Variants in SHISA9 observed in about 807,000 individuals in gnomAD.
SHISA9 encodes the protein shisa family member 9, also known as protein shisa-9.
Under a neutral mutation model 38.0 loss-of-function variants are expected in SHISA9, and 13 were observed. The ratio of observed to expected loss-of-function variants is 0.34; its 90% CI spans 0.22 to 0.54. The LOEUF (loss-of-function observed/expected upper bound fraction) is 0.54. SHISA9 is among the 20% of genes least tolerant of loss of function. SHISA9 has a pLI of 0.91. For missense variants in SHISA9, 538 were observed against 575.8 expected (o/e 0.93, Z 0.67); for synonymous variants, 275 against 242.0 (o/e 1.14, Z -1.27).
the SHISA9 span, among the ~76,000 whole-genome samples, chr16:13,360,352 C>T: frequency 2.0e-5 from 3 of 152,110 alleles, no homozygotes; most frequent in African/African-American, 7.2e-5. Context: ...ATGTCACCAC[C>T]CAAATCTCAT....
At chr16:13,214,527 C>A (rs151027079) in intron 4 of SHISA9, among the ~76,000 whole-genome samples, 1 of 152,012 alleles carries the variant, frequency 6.6e-6, no homozygotes, top group Non-Finnish European at 1.5e-5. Context: ...TTAATGAGCT[C>A]GAACTGGGGA....
chr16:12,947,212 G>A (rs1431776637), intron 2 of SHISA9, among the ~76,000 whole-genome samples: 3 of 152,184 alleles, frequency 2.0e-5, no homozygotes, highest in Non-Finnish European at 4.4e-5. Context: ...GCAGGTACAG[G>A]AGAAGCAAGT....
chr16:13,402,424 A>G, the SHISA9 span, among the ~76,000 whole-genome samples: 1 of 152,138 alleles, frequency 6.6e-6, no homozygotes, highest in Non-Finnish European at 1.5e-5. Context: ...CTGTGCCAGA[A>G]GAGAGTGAAT....
At chr16:13,501,735 G>A in the SHISA9 span, among the ~76,000 whole-genome samples, 1 of 152,188 alleles carries the variant, frequency 6.6e-6, no homozygotes, top group African/African-American at 2.4e-5. Flanking sequence ...GGGCACGGTG[G>A]CTCAAGCCTA....
At chr16:13,415,586 A>C in the SHISA9 span, among the ~76,000 whole-genome samples, 1 of 152,246 alleles carries the variant, frequency 6.6e-6, no homozygotes, top group Non-Finnish European at 1.5e-5. Context: ...CCTGAACTTA[A>C]AGGTTAAATA....
At chr16:13,022,348 C>T (rs865775171) in intron 2 of SHISA9, among the ~76,000 whole-genome samples, 7 of 141,168 alleles carry the variant, frequency 5.0e-5, no homozygotes, top group Admixed American at 7.0e-5. Context: ...TTTTTTTTTT[C>T]GAGACAGAGT....
chr16:13,350,397 T>G, the SHISA9 span: 4 of 152,516 alleles, frequency 2.6e-5, no homozygotes, highest in Non-Finnish European at 2.9e-5. Flanking sequence ...GATTGCCTAC[T>G]GTGAGATTTA....
At chr16:13,192,408 T>G (rs1596717690) in intron 2 of SHISA9, among the ~76,000 whole-genome samples, 1 of 152,164 alleles carries the variant, frequency 6.6e-6, no homozygotes, top group East Asian at 1.9e-4. Flanking sequence ...TGGAAAAATT[T>G]TATGAAATTC....
At chr16:13,345,918 C>T in the SHISA9 span, among the ~76,000 whole-genome samples, 22 of 151,910 alleles carry the variant, frequency 1.4e-4, no homozygotes, top group Admixed American at 9.2e-4. Flanking sequence ...AAGTTTCATT[C>T]AGGTCCTTCG....
At chr16:13,268,638 G>A in the SHISA9 span, among the ~76,000 whole-genome samples, 1 of 152,188 alleles carries the variant, frequency 6.6e-6, no homozygotes, top group Non-Finnish European at 1.5e-5. Context: ...TAATGGTCTT[G>A]TTCTCATCCT....
the SHISA9 span, among the ~76,000 whole-genome samples, chr16:13,264,824 G>T: frequency 2.6e-5 from 4 of 152,060 alleles, no homozygotes; most frequent in African/African-American, 9.7e-5. Flanking sequence ...TCTTCCCAAA[G>T]AGAGAAATCA....
intron 1 of SHISA9, among the ~76,000 whole-genome samples, chr16:12,904,877 T>G (rs1484330613): frequency 6.6e-6 from 1 of 151,982 alleles, no homozygotes; most frequent in Admixed American, 6.6e-5. Flanking sequence ...GTATTATTAT[T>G]TATTTATTTT....
At chr16:12,992,540 A>G (rs1481318145) in intron 2 of SHISA9, among the ~76,000 whole-genome samples, 1 of 151,872 alleles carries the variant, frequency 6.6e-6, no homozygotes, top group Non-Finnish European at 1.5e-5. Flanking sequence ...TCAAAACAAA[A>G]ACAAAAACAA....
intron 2 of SHISA9, among the ~76,000 whole-genome samples, chr16:12,978,382 C>T (rs2072194262): frequency 6.6e-6 from 1 of 152,130 alleles, no homozygotes; most frequent in Non-Finnish European, 1.5e-5. Flanking sequence ...ACTACGTAAC[C>T]CAAGGAGTAG....
chr16:13,048,200 GT>G (rs565497915), intron 2 of SHISA9, among the ~76,000 whole-genome samples: 154 of 152,290 alleles, frequency 1.0e-3, no homozygotes, highest in Middle Eastern at 6.8e-3. Flanking sequence ...ATATACTCCT[GT>G]TTTGATAAAT....
intron 4 of SHISA9, among the ~76,000 whole-genome samples, chr16:13,221,087 C>G (rs1167888517): frequency 2.0e-5 from 3 of 151,840 alleles, no homozygotes; most frequent in Admixed American, 6.6e-5. Flanking sequence ...AGGGTTAAGA[C>G]TAAAAAAGGG....
chr16:13,051,130 G>A (rs1026246349), intron 2 of SHISA9, among the ~76,000 whole-genome samples: 19 of 152,190 alleles, frequency 1.2e-4, no homozygotes, highest in Non-Finnish European at 2.5e-4. Context: ...TGCTAATAAA[G>A]ACATACCCAA....
At chr16:13,488,906 C>T in the SHISA9 span, among the ~76,000 whole-genome samples, 2 of 152,220 alleles carry the variant, frequency 1.3e-5, no homozygotes, top group South Asian at 2.1e-4. Context: ...GGACTACAGG[C>T]GCCTGCCACC....
chr16:13,183,244 A>G (rs2050792643), intron 2 of SHISA9, among the ~76,000 whole-genome samples: 1 of 152,240 alleles, frequency 6.6e-6, no homozygotes, highest in African/African-American at 2.4e-5. Flanking sequence ...ATCACTTTGC[A>G]AAGTCCGTAT....
Sources: gnomAD v4.1 joint callset for allele counts (sites outside exome capture counted in the v4.1 genomes callset) on GRCh38, gnomAD v4.1.1 for gene constraint, MANE v1.5 for transcripts, NCBI Gene and HGNC (gene_info 2026-07-23, HGNC 2026-07-21) for gene names.